ZSCAN18: variants seen among roughly 807,000 people sequenced by gnomAD.
ZSCAN18 encodes the protein zinc finger and SCAN domain containing 18.
A neutral mutation model predicts 31.1 loss-of-function variants in ZSCAN18; 16 were observed. The observed-to-expected ratio is 0.51, with a 90% CI of 0.35 to 0.78. ZSCAN18 has a LOEUF of 0.78. Among genes scored for constraint, ZSCAN18 ranks in the 30% least tolerant of loss-of-function variants. The pLI is 0.01. For missense variants in ZSCAN18, 731 were observed against 697.4 expected (o/e 1.05, Z -0.54); for synonymous variants, 375 against 320.7 (o/e 1.17, Z -1.81).
At chr19:58,114,525 C>T (rs567870760) in intron 1 of ZSCAN18, among the ~76,000 whole-genome samples, 10 of 145,138 alleles carry the variant, frequency 6.9e-5, no homozygotes, top group African/African-American at 2.0e-4. Context: ...AATACATATA[C>T]GCACAGATAA....
At chr19:58,099,882 A>G (rs112579028), upstream of ZSCAN18, among the ~76,000 whole-genome samples, 22 of 151,464 alleles carry the variant, frequency 1.5e-4, no homozygotes, top group Admixed American at 4.6e-4. Flanking sequence ...TGGCATTTGT[A>G]TACCCTCTTC....
rs1364834445 is a variant in ZSCAN18 at position 58,087,331 on chromosome 19, A to G, written c.627T>C (p.Pro209=). The stretch of plus-strand genomic sequence containing the variant: ...GCCCACCCACCTGCTCGGTGTTGGC[A>G]GGGCCGTCCTCTTCGGTCTTTGCTT... ...VREAKTEEDG[P]ANTEQKLKSF... The change falls in exon 4 of 7, where the codon CCT becomes CCC. Residue 209 remains proline (P), a synonymous_variant. Coordinates refer to ENST00000601144, the MANE Select transcript of ZSCAN18 (RefSeq NM_001145543.2). The G allele has an allele frequency of 3.7e-6, 6 of 1,606,450 alleles. No homozygotes were observed. The Admixed American group carries it at 8.4e-5, about 23-fold the overall frequency.
chr19:58,118,393 G>A (rs1446791363), exon 1 of ZSCAN18: 17 of 1,522,192 alleles, frequency 1.1e-5, no homozygotes, highest in South Asian at 1.2e-5. Flanking sequence ...CCGACTCTCC[G>A]CATGGGCGCG....
At chr19:58,117,302 G>C (rs1348939119) in intron 1 of ZSCAN18, among the ~76,000 whole-genome samples, 2 of 152,104 alleles carry the variant, frequency 1.3e-5, no homozygotes, top group African/African-American at 4.8e-5. Flanking sequence ...AAGTCTGAGA[G>C]GCCTGTCCCT....
Position 58,084,574 on chromosome 19 carries a change from G to T in ZSCAN18, c.*111C>A. On this transcript the variant is annotated 3_prime_UTR_variant, in exon 7 of 7. Transcript: ENST00000601144. The surrounding 1 kb of genome is among the most constrained non-coding windows in gnomAD (Gnocchi z 4.5). ...CGGATTCAGGGCACAGGCAGAGGAC[G>T]TCCACAAACACCACAGGAAGCCGCC... is the stretch of plus-strand genomic sequence containing the variant. The T allele has an allele frequency of 9.0e-7, 1 of 1,108,886 alleles. No individual in the cohort carries two copies. The allele number at this position is 1,108,886 out of a possible 1,614,324, so 68.7% of individuals were successfully genotyped here. A position where few individuals can be genotyped will look rare whatever the true frequency, so the allele number is the denominator to read the frequency against.
chr19:58,099,447 GAGA>G (rs2074573876), upstream of ZSCAN18, among the ~76,000 whole-genome samples: 1 of 152,106 alleles, frequency 6.6e-6, no homozygotes, highest in Non-Finnish European at 1.5e-5. Context: ...CCATTTTATT[GAGA>G]AGTAGTATTC....
At chr19:58,088,925 C>T in intron 2 of ZSCAN18, 88 bp from the exon 3 acceptor site, 2 of 1,344,266 alleles carry the variant, frequency 1.5e-6, no homozygotes, top group Non-Finnish European at 2.0e-6. Context: ...GACCTGCAGG[C>T]TCCAGGGCCA....
At position 58,084,892 on chromosome 19, in the gene ZSCAN18, G is replaced by A. The variant is rs2074231458; in HGVS notation, c.1326C>T (p.Ala442=). The change falls in exon 7 of 7, where the codon GCC becomes GCT. Residue 442 remains alanine (A), a synonymous_variant. Transcript: ENST00000601144. This position sits in a 1 kb window ranked among gnomAD's most constrained non-coding sequence, Gnocchi z 4.5. ...HSSHGGRKRY[A]CQGCWKTFHF... ...GGAAGGTCTTCCAGCAGCCCTGACA[G>A]GCGTAGCGCTTCCGGCCGCCATGGC... 3.1e-6 allele frequency: 5 copies of A among 1,595,450 alleles called. No homozygotes were observed. The highest frequency in any genetic ancestry group is 1.3e-5 in the African/African-American group (1 of 74,704).
At chr19:58,099,161 G>A (rs2074571418), upstream of ZSCAN18, among the ~76,000 whole-genome samples, 1 of 151,780 alleles carries the variant, frequency 6.6e-6, no homozygotes. Context: ...CACACATTTT[G>A]GTATTCAGTT....
intron 2 of ZSCAN18, 105 bp from the exon 3 acceptor site, chr19:58,088,942 T>A: frequency 9.3e-7 from 1 of 1,076,914 alleles, no homozygotes; most frequent in Non-Finnish European, 1.3e-6. Flanking sequence ...GCCACATCAC[T>A]ACCCATCCTG....
chr19:58,111,548 A>G (rs1450601216), intron 1 of ZSCAN18, among the ~76,000 whole-genome samples: 1 of 151,612 alleles, frequency 6.6e-6, no homozygotes, highest in African/African-American at 2.4e-5. Flanking sequence ...TTTTTTAAAT[A>G]GAGACATGGT....
At chr19:58,095,451 ACT>A (rs2074502462) in intron 1 of ZSCAN18, among the ~76,000 whole-genome samples, 1 of 152,086 alleles carries the variant, frequency 6.6e-6, no homozygotes, top group African/African-American at 2.4e-5. Flanking sequence ...TGACGCTGCC[ACT>A]CATCCTTCCC....
Position 58,085,177 on chromosome 19 carries a change from G to A in ZSCAN18, c.1041C>T (p.Thr347=), listed in dbSNP as rs776580520. ...DPQDAESDSA[T]GSQRQSVIQQ... ...GGATGACGGACTGCCTCTGCGATCC[G>A]GTGGCAGAGTCGGACTCCGCGTCCT... The change falls in exon 7 of 7, where the codon ACC becomes ACT. Residue 347 remains threonine (T), a synonymous_variant. Coordinates refer to ENST00000601144, the MANE Select transcript of ZSCAN18 (RefSeq NM_001145543.2). 2.5e-6 allele frequency: 4 copies of A among 1,610,540 alleles called. No individual in the cohort carries two copies. The highest frequency in any genetic ancestry group is 1.3e-5 in the African/African-American group (1 of 74,886).
intron 1 of ZSCAN18, among the ~76,000 whole-genome samples, chr19:58,104,702 C>CAATAAAATAAAATAA (rs369292414): frequency 0.015 from 2,164 of 139,908 alleles, 27 homozygotes; most frequent in African/African-American, 0.028. Context: ...GACTCCATCT[C>CAATAAAATAAAATAA]AATAAAATAA....
At chr19:58,092,594 AAG>A in intron 1 of ZSCAN18, 2 of 599,206 alleles carry the variant, frequency 3.3e-6, no homozygotes, top group Non-Finnish European at 2.1e-6. Flanking sequence ...AAAAAAAAAA[AAG>A]AACCAGAAGT....
At chr19:58,108,257 A>G in intron 1 of ZSCAN18, 2 of 985,526 alleles carry the variant, frequency 2.0e-6, no homozygotes, top group African/African-American at 1.7e-5. Flanking sequence ...CAGTACATAC[A>G]TAGGGCTCCC....
At chr19:58,085,460 G>T in intron 6 of ZSCAN18, 81 bp from the exon 7 acceptor site, 1 of 1,289,816 alleles carries the variant, frequency 7.8e-7, no homozygotes, top group Non-Finnish European at 1.0e-6. Context: ...TCAGCTGCCG[G>T]AACAGCGCAC....
At chr19:58,111,516 T>C (rs2074683158) in intron 1 of ZSCAN18, among the ~76,000 whole-genome samples, 1 of 151,732 alleles carries the variant, frequency 6.6e-6, no homozygotes, top group South Asian at 2.1e-4. Flanking sequence ...CAGCTACTTA[T>C]AAAGTTGTTT....
chr19:58,118,044 C>G (rs2074746482), intron 1 of ZSCAN18, among the ~76,000 whole-genome samples: 1 of 152,066 alleles, frequency 6.6e-6, no homozygotes, highest in African/African-American at 2.4e-5. Context: ...CCGCGCCCGG[C>G]GAGGAGATGC....
Sources: gnomAD v4.1 joint callset for allele counts (sites outside exome capture counted in the v4.1 genomes callset) on GRCh38, gnomAD v4.1.1 for gene constraint, Gnocchi (gnomAD v3.1) non-coding constraint, MANE v1.5 for transcripts, NCBI Gene and HGNC (gene_info 2026-07-23, HGNC 2026-07-21) for gene names.